Variants in SECISBP2L observed in about 807,000 individuals in gnomAD.
The protein encoded by SECISBP2L is selenocysteine insertion sequence-binding protein 2-like.
SECISBP2L carries 43 observed loss-of-function variants against 114.7 expected under a neutral mutation model. That is an observed-to-expected ratio of 0.38 (90% confidence interval 0.29 to 0.48). The LOEUF is 0.48. Among genes scored for constraint, SECISBP2L ranks in the 20% least tolerant of loss-of-function variants. The pLI, the probability that SECISBP2L is intolerant of heterozygous loss-of-function variation, is 0.98. For missense variants in SECISBP2L, 1,136 were observed against 1,301.1 expected, an observed-to-expected ratio of 0.87 and a Z score of 1.95; for synonymous variants, 451 against 439.7, an observed-to-expected ratio of 1.03 and a Z score of -0.32.
At chr15:49,037,062 C>A (rs1903025030) in intron 2 of SECISBP2L, among the ~76,000 whole-genome samples, 1 of 151,886 alleles carries the variant, frequency 6.6e-6, no homozygotes, top group Non-Finnish European at 1.5e-5. Context: ...TAAGTAACAC[C>A]CTAACCACTA....
chr15:49,022,519 T>G (rs1902660276), intron 7 of SECISBP2L, among the ~76,000 whole-genome samples: 1 of 151,502 alleles, frequency 6.6e-6, no homozygotes, highest in African/African-American at 2.4e-5. Flanking sequence ...GGAGAATCAT[T>G]TGAACCCAGG....
intron 13 of SECISBP2L, among the ~76,000 whole-genome samples, chr15:49,010,382 C>A (rs1902413613): frequency 6.6e-6 from 1 of 152,130 alleles, no homozygotes; most frequent in East Asian, 1.9e-4. Context: ...AATGCCATTT[C>A]TTGACTCTAC....
intron 11 of SECISBP2L, among the ~76,000 whole-genome samples, chr15:49,014,871 T>C (rs1902506617): frequency 6.7e-6 from 1 of 149,512 alleles, no homozygotes; most frequent in Non-Finnish European, 1.5e-5. Flanking sequence ...CAGTATATAC[T>C]GTATATATAA....
At chr15:49,035,796 TATC>T in intron 2 of SECISBP2L, 138 bp from the exon 3 acceptor site, 4 of 721,798 alleles carry the variant, frequency 5.5e-6, no homozygotes, top group Middle Eastern at 3.3e-4. Context: ...GAGACAAAAC[TATC>T]ATCATCTTAT....
intron 7 of SECISBP2L, among the ~76,000 whole-genome samples, chr15:49,025,608 C>A (rs1902726003): frequency 6.6e-6 from 1 of 151,932 alleles, no homozygotes. Flanking sequence ...AGTCATTTCT[C>A]AAGAGAAGGC....
chr15:49,005,150 C>A (rs944586428), intron 14 of SECISBP2L, among the ~76,000 whole-genome samples: 1 of 152,038 alleles, frequency 6.6e-6, no homozygotes, highest in Non-Finnish European at 1.5e-5. Context: ...GCCAACATGG[C>A]GAAATCCTGT....
At chr15:49,034,137 C>T (rs931733708) in intron 3 of SECISBP2L, among the ~76,000 whole-genome samples, 1 of 152,054 alleles carries the variant, frequency 6.6e-6, no homozygotes, top group Non-Finnish European at 1.5e-5. Context: ...ATCTCTGCTG[C>T]TTGTATTTCA....
chr15:49,010,750 G>A (rs1902421421), intron 13 of SECISBP2L, among the ~76,000 whole-genome samples: 1 of 152,148 alleles, frequency 6.6e-6, no homozygotes, highest in Non-Finnish European at 1.5e-5. Context: ...GAGCTCAAGT[G>A]ATCTGCCCAT....
In SECISBP2L at chr15:48,992,647, C is replaced by A. The variant is rs978211148; in HGVS notation, c.2903G>T (p.Cys968Phe). Residue 968 changes from cysteine (C) to phenylalanine (F), a missense_variant, in exon 18 of 18, where the codon TGC (cysteine) becomes TTC (phenylalanine). Physicochemically the swap from Cys to Phe is radical, Grantham distance 205. This residue lies in a region of SECISBP2L where 684 missense variants were observed against 848.7 expected (regional missense o/e 0.81). Coordinates refer to ENST00000559471, the MANE Select transcript of SECISBP2L (RefSeq NM_001193489.2). ...STETGSLDGS[C>F]RDLLNSSITS... ...GATGGAGGAATTCAAAAGATCTCGGCAACTGCCATCCAAAGAGCCAGTCTC... is the reference window on the plus strand; with the variant it reads ...GATGGAGGAATTCAAAAGATCTCGGAAACTGCCATCCAAAGAGCCAGTCTC... The A allele has an allele frequency of 6.2e-7, 1 of 1,614,034 alleles. No homozygotes were observed. The highest frequency in any genetic ancestry group is 1.3e-5 in the African/African-American group (1 of 74,910).
intron 4 of SECISBP2L, 54 bp downstream of exon 4, chr15:49,032,911 A>G (rs1902923304): frequency 1.1e-5 from 17 of 1,593,854 alleles, no homozygotes; most frequent in Non-Finnish European, 1.5e-5. Context: ...TATAAAGTGA[A>G]TGAATGAAAA....
At chr15:49,003,423 C>G (rs964089723) in intron 14 of SECISBP2L, among the ~76,000 whole-genome samples, 1 of 152,106 alleles carries the variant, frequency 6.6e-6, no homozygotes, top group African/African-American at 2.4e-5. Flanking sequence ...ATTTGAATAC[C>G]CTTTATTTCT....
At position 48,992,714 on chromosome 15, in the gene SECISBP2L, C is replaced by T; in HGVS notation, c.2836G>A (p.Val946Met). 1 of 1,614,226 alleles carries T rather than the reference C, an allele frequency of 6.2e-7. No homozygotes were observed. The highest frequency in any genetic ancestry group is 8.5e-7 in the Non-Finnish European group (1 of 1,180,030). ...GKSTASDKEE[V>M]KPDDLEWASQ... is the part of the protein sequence containing the mutation. Reference sequence around the variant, plus strand: ...GCCCATTCCAGGTCATCTGGCTTCACTTCCTCTTTATCACTTGCTGTGGAT... The same window carrying T: ...GCCCATTCCAGGTCATCTGGCTTCATTTCCTCTTTATCACTTGCTGTGGAT... Residue 946 changes from valine to methionine, a missense_variant, in exon 18 of 18, where the codon GTG becomes ATG. Coordinates refer to ENST00000559471, the MANE Select transcript of SECISBP2L (RefSeq NM_001193489.2).
intron 13 of SECISBP2L, among the ~76,000 whole-genome samples, chr15:49,009,775 G>C (rs927560207): frequency 3.9e-5 from 6 of 152,060 alleles, no homozygotes; most frequent in Admixed American, 3.3e-4. Context: ...CCACAGGGAT[G>C]AGGAAGAATA....
chr15:49,023,993 A>C (rs1360238238), intron 7 of SECISBP2L, among the ~76,000 whole-genome samples: 2 of 152,178 alleles, frequency 1.3e-5, no homozygotes, highest in Non-Finnish European at 2.9e-5. Flanking sequence ...TTTTCAACCT[A>C]TTCCATAAAA....
intron 16 of SECISBP2L, among the ~76,000 whole-genome samples, chr15:48,997,071 G>C (rs1439378780): frequency 6.6e-6 from 1 of 152,208 alleles, no homozygotes; most frequent in Non-Finnish European, 1.5e-5. Flanking sequence ...CACTGAGGAA[G>C]TCATGAAGGG....
intron 4 of SECISBP2L, among the ~76,000 whole-genome samples, chr15:49,030,812 T>C (rs2141081376): frequency 6.6e-6 from 1 of 152,296 alleles, no homozygotes; most frequent in East Asian, 1.9e-4. Context: ...GGCTCTCTGT[T>C]CTGTTCAACT....
chr15:49,006,062 C>T (rs527361547), intron 14 of SECISBP2L, among the ~76,000 whole-genome samples: 41 of 151,824 alleles, frequency 2.7e-4, no homozygotes, highest in African/African-American at 7.7e-4. Context: ...CTTCTAAGAA[C>T]GTTGAATATT....
In SECISBP2L at chr15:49,011,821, C is replaced by T. The variant is rs1464875889; in HGVS notation, c.1774G>A (p.Val592Met). ...TCGGATCCCAAAAGATTGTGGTCCA[C>T]AGTTAAGCGCCCCTTCTTTTCCTCT... is the stretch of plus-strand genomic sequence containing the variant. Reference protein sequence around the residue: ...EREEKKGRLTVDHNLLGSEEP... With the variant: ...EREEKKGRLTMDHNLLGSEEP... The change falls in exon 13 of 18, where the codon GTG (valine) becomes ATG (methionine). Residue 592 changes from valine to methionine, a missense_variant. Coordinates refer to ENST00000559471, the MANE Select transcript of SECISBP2L (RefSeq NM_001193489.2). The T allele has an allele frequency of 6.2e-7, 1 of 1,614,068 alleles. No homozygotes were observed. Among genetic ancestry groups the T allele is most frequent in the East Asian group, 2.2e-5 (1 of 44,864 alleles).
chr15:49,007,182 G>C (rs2141066358), intron 14 of SECISBP2L, among the ~76,000 whole-genome samples: 1 of 152,282 alleles, frequency 6.6e-6, no homozygotes, highest in South Asian at 2.1e-4. Context: ...CATCCCAGAG[G>C]GGTACCCACC....
Sources: gnomAD v4.1 joint callset for allele counts (sites outside exome capture counted in the v4.1 genomes callset) on GRCh38, gnomAD v4.1.1 for gene constraint, gnomAD v4.1.1 regional missense constraint, MANE v1.5 for transcripts, NCBI Gene and HGNC (gene_info 2026-07-23, HGNC 2026-07-21) for gene names.